Variants in DENND1B observed in about 807,000 individuals in gnomAD.
DENND1B encodes DENN domain-containing protein 1B.
DENND1B carries 59 observed loss-of-function variants against 90.1 expected under a neutral mutation model. The ratio of observed to expected loss-of-function variants is 0.65; its 90% CI spans 0.53 to 0.81. The LOEUF is 0.81. DENND1B is among the 40% of genes least tolerant of loss of function. DENND1B has a pLI of 0.00. For missense variants in DENND1B, 862 were observed against 912.6 expected (o/e 0.94, Z 0.71); for synonymous variants, 337 against 324.6 (o/e 1.04, Z -0.41).
Position 197,558,019 on chromosome 1 carries a change from C to G in DENND1B, c.1150-4907G>C, listed in dbSNP as rs139636579. On this transcript the variant is annotated intron_variant, in intron 15 of 22. Transcript: ENST00000620048. ...CACATATCTACAGGTAATTGGAAGA[C>G]ATAAGCTTTGAAAGAATTAGTTTAT... Among the ~76,000 whole-genome samples the G allele has an allele frequency of 4.0e-5, 6 of 151,892 alleles. No homozygotes were observed. In the East Asian group the frequency reaches 1.2e-3, roughly 29 times the overall value.
intron 10 of DENND1B, among the ~76,000 whole-genome samples, chr1:197,632,020 C>T (rs1361904684): frequency 6.6e-6 from 1 of 152,074 alleles, no homozygotes; most frequent in Non-Finnish European, 1.5e-5. Flanking sequence ...AGACTCTTGC[C>T]TGGAAATGTT....
intron 15 of DENND1B, among the ~76,000 whole-genome samples, chr1:197,567,988 G>T (rs1441645840): frequency 6.7e-6 from 1 of 149,798 alleles, no homozygotes; most frequent in Non-Finnish European, 1.5e-5. Context: ...CCAAACTGGG[G>T]AGATGAGGGG....
intron 10 of DENND1B, among the ~76,000 whole-genome samples, chr1:197,631,534 C>G (rs1253107613): frequency 1.3e-5 from 2 of 151,902 alleles, no homozygotes; most frequent in Non-Finnish European, 1.5e-5. Flanking sequence ...TGAAGCTACT[C>G]TTTAACTATT....
chr1:197,678,462 A>G (rs1023303229), intron 3 of DENND1B, among the ~76,000 whole-genome samples: 1 of 152,178 alleles, frequency 6.6e-6, no homozygotes, highest in African/African-American at 2.4e-5. Flanking sequence ...AAAGATGATT[A>G]CTTAATTTTG....
intron 3 of DENND1B, among the ~76,000 whole-genome samples, chr1:197,706,364 C>T (rs966773583): frequency 2.6e-5 from 4 of 152,038 alleles, no homozygotes; most frequent in African/African-American, 4.8e-5. Context: ...CAGGATGTTG[C>T]GTTGGGCAAA....
Position 197,505,042 on chromosome 1 carries a change from G to C in DENND1B, c.*5418C>G, listed in dbSNP as rs1337660327. On this transcript the variant is annotated 3_prime_UTR_variant, in exon 23 of 23. Coordinates refer to ENST00000620048, the MANE Select transcript of DENND1B (RefSeq NM_001195215.2). Reference sequence around the variant, plus strand: ...TTAAATAGTTTTTCATCTAACGCAAGAGAAATAAACTTTGGAAAAGTTCAA... The same window carrying C: ...TTAAATAGTTTTTCATCTAACGCAACAGAAATAAACTTTGGAAAAGTTCAA... The C allele has an allele frequency of 6.6e-6, 1 of 151,698 alleles. No homozygotes were observed. The highest frequency in any genetic ancestry group is 2.1e-4 in the South Asian group (1 of 4,822). The allele number at this position is 151,698 out of a possible 1,614,324, so 9.4% of individuals were successfully genotyped here.
chr1:197,704,202 G>C (rs982324275), intron 3 of DENND1B, among the ~76,000 whole-genome samples: 1 of 152,156 alleles, frequency 6.6e-6, no homozygotes, highest in African/African-American at 2.4e-5. Context: ...CTGGGAGCCA[G>C]TCATGAGGGC....
At chr1:197,547,257 G>A (rs894813213) in intron 16 of DENND1B, among the ~76,000 whole-genome samples, 23 of 148,936 alleles carry the variant, frequency 1.5e-4, no homozygotes, top group African/African-American at 5.7e-4. Flanking sequence ...GACAGGGCAA[G>A]ACCCCATCTC....
At chr1:197,584,537 A>G (rs1200562801) in intron 14 of DENND1B, among the ~76,000 whole-genome samples, 2 of 152,236 alleles carry the variant, frequency 1.3e-5, no homozygotes, top group African/African-American at 2.4e-5. Flanking sequence ...TAGAAAAAAG[A>G]AAACAAAATT....
intron 11 of DENND1B, among the ~76,000 whole-genome samples, chr1:197,616,302 A>C (rs2125859499): frequency 6.6e-6 from 1 of 151,042 alleles, no homozygotes; most frequent in Admixed American, 6.6e-5. Flanking sequence ...AATAAATGAG[A>C]CCCTCCCTTT....
intron 13 of DENND1B, among the ~76,000 whole-genome samples, chr1:197,600,482 G>A (rs7546686): frequency 0.011 from 1,706 of 151,706 alleles, 32 homozygotes; most frequent in African/African-American, 0.039. Context: ...TTTACTCTAC[G>A]GCAAGGTAGA....
At chr1:197,537,544 G>T (rs372639488) in intron 20 of DENND1B, among the ~76,000 whole-genome samples, 5 of 151,920 alleles carry the variant, frequency 3.3e-5, no homozygotes, top group Middle Eastern at 3.3e-3. Context: ...ATTACTAAGA[G>T]AATAGATTTT....
intron 14 of DENND1B, among the ~76,000 whole-genome samples, chr1:197,591,266 G>T (rs1158630061): frequency 4.6e-5 from 7 of 152,150 alleles, no homozygotes; most frequent in Non-Finnish European, 1.0e-4. Context: ...GCTCCTGTGG[G>T]GATGGGGGCA....
intron 15 of DENND1B, among the ~76,000 whole-genome samples, chr1:197,554,397 T>C (rs1671522820): frequency 1.3e-5 from 2 of 151,618 alleles, no homozygotes; most frequent in African/African-American, 4.9e-5. Flanking sequence ...ACCCTAGAAA[T>C]TTAAATTTTA....
chr1:197,672,760 A>G (rs2488407), intron 4 of DENND1B, among the ~76,000 whole-genome samples: 4,457 of 152,174 alleles, frequency 0.029, 237 homozygotes, highest in African/African-American at 0.1. Flanking sequence ...CTACCAAAAT[A>G]AAAGGCTTAT....
At chr1:197,763,499 T>C (rs995413808) in intron 2 of DENND1B, among the ~76,000 whole-genome samples, 1 of 152,202 alleles carries the variant, frequency 6.6e-6, no homozygotes, top group Non-Finnish European at 1.5e-5. Flanking sequence ...AGACACTGTT[T>C]TAGGCTCTGA....
chr1:197,560,903 AG>A (rs1340633507), intron 15 of DENND1B, among the ~76,000 whole-genome samples: 3 of 152,036 alleles, frequency 2.0e-5, no homozygotes, highest in Middle Eastern at 6.8e-3. Context: ...AGAAAATCGA[AG>A]TAATTAAAAG....
chr1:197,717,358 C>A (rs1038942486), intron 2 of DENND1B, among the ~76,000 whole-genome samples: 2 of 151,902 alleles, frequency 1.3e-5, no homozygotes, highest in Non-Finnish European at 2.9e-5. Flanking sequence ...AGGATGAGAA[C>A]TGCTGGTGGG....
chr1:197,611,825 G>A (rs895247790), intron 12 of DENND1B, 106 bp downstream of exon 12: 6 of 858,554 alleles, frequency 7.0e-6, no homozygotes, highest in Middle Eastern at 3.3e-4. Flanking sequence ...TATGAAACTA[G>A]TCACTTCTTT....
Sources: gnomAD v4.1 joint callset for allele counts (sites outside exome capture counted in the v4.1 genomes callset) on GRCh38, gnomAD v4.1.1 for gene constraint, MANE v1.5 for transcripts, NCBI Gene and HGNC (gene_info 2026-07-23, HGNC 2026-07-21) for gene names.